The following PLEKHG1 variants were observed in gnomAD, a reference collection of about 807,000 sequenced individuals.
PLEKHG1 encodes the protein pleckstrin homology domain-containing family G member 1.
In PLEKHG1, 44 loss-of-function variants were observed where a neutral mutation model predicts 100.8. That is an observed-to-expected ratio of 0.44 (90% CI 0.34 to 0.56). PLEKHG1 has a LOEUF of 0.56. Ranked by LOEUF, PLEKHG1 falls within the 20% of genes least tolerant of loss-of-function variation. PLEKHG1 has a pLI of 0.01. For missense variants in PLEKHG1, 1,545 were observed against 1,720.9 expected (o/e 0.90, Z 1.81); for synonymous variants, 640 against 662.5 (o/e 0.97, Z 0.52).
intron 2 of PLEKHG1, among the ~76,000 whole-genome samples, chr6:150,745,233 AAC>A (rs1475830939): frequency 2.0e-5 from 3 of 152,228 alleles, no homozygotes; most frequent in African/African-American, 4.8e-5. Flanking sequence ...AGGCAACTAA[AAC>A]ACAATGGCAT....
intron 3 of PLEKHG1, among the ~76,000 whole-genome samples, chr6:150,781,795 GGA>G (rs1785327079): frequency 6.8e-6 from 1 of 147,234 alleles, no homozygotes; most frequent in African/African-American, 2.5e-5. Context: ...TTTTTGAGAT[GGA>G]GTCTCACTGT....
At chr6:150,819,478 T>A (rs1776176915) in intron 11 of PLEKHG1, among the ~76,000 whole-genome samples, 1 of 151,920 alleles carries the variant, frequency 6.6e-6, no homozygotes, top group Admixed American at 6.6e-5. Context: ...GGCAGGAGAA[T>A]CACTTGAACT....
intron 4 of PLEKHG1, among the ~76,000 whole-genome samples, chr6:150,787,367 A>G (rs1785687281): frequency 1.3e-5 from 2 of 152,344 alleles, no homozygotes; most frequent in South Asian, 4.1e-4. Flanking sequence ...TGGAATTCTG[A>G]AACCTACCCT....
At chr6:150,804,185 T>A (rs1316693937) in intron 6 of PLEKHG1, among the ~76,000 whole-genome samples, 25 of 63,016 alleles carry the variant, frequency 4.0e-4, no homozygotes, top group South Asian at 2.7e-3. Context: ...ATTTTTTTTT[T>A]TTTTTTTTTT....
At chr6:150,718,469 C>CTTTT (rs3072740), upstream of PLEKHG1, among the ~76,000 whole-genome samples, 3 of 130,692 alleles carry the variant, frequency 2.3e-5, no homozygotes, top group Non-Finnish European at 1.6e-5. Context: ...CTTCCCTTTA[C>CTTTT]TTTTTTTTTT....
intron 3 of PLEKHG1, among the ~76,000 whole-genome samples, chr6:150,771,914 AG>A (rs1353382291): frequency 2.0e-5 from 3 of 152,236 alleles, no homozygotes; most frequent in African/African-American, 7.2e-5. Flanking sequence ...ATTCTGTCAA[AG>A]AGTCAGGCGT....
intron 4 of PLEKHG1, among the ~76,000 whole-genome samples, chr6:150,788,173 A>T (rs1311143901): frequency 1.3e-5 from 2 of 152,342 alleles, no homozygotes; most frequent in Non-Finnish European, 2.9e-5. Context: ...TTTCATTGTA[A>T]TATTGCCAAG....
At chr6:150,605,896 T>C (rs1349662184) in intron 1 of PLEKHG1, 1 of 152,222 alleles carries the variant, frequency 6.6e-6, no homozygotes, top group East Asian at 1.9e-4. Context: ...CTAGCATCAG[T>C]GAAGTGTGTT....
chr6:150,784,812 T>TAG (rs1312979816), intron 3 of PLEKHG1, among the ~76,000 whole-genome samples: 14 of 152,062 alleles, frequency 9.2e-5, no homozygotes, highest in Non-Finnish European at 1.9e-4. Context: ...CATGATTCTC[T>TAG]AAGAAAGGAA....
chr6:150,770,314 G>C (rs946688200), intron 3 of PLEKHG1, among the ~76,000 whole-genome samples: 2 of 152,150 alleles, frequency 1.3e-5, no homozygotes, highest in Non-Finnish European at 2.9e-5. Context: ...CCAACACCTA[G>C]CACAAGCCTG....
chr6:150,751,256 G>A (rs1174876249), intron 2 of PLEKHG1, among the ~76,000 whole-genome samples: 1 of 138,870 alleles, frequency 7.2e-6, no homozygotes, highest in African/African-American at 2.7e-5. Flanking sequence ...ATAGAGGGCT[G>A]CAATGGTGGA....
intron 5 of PLEKHG1, among the ~76,000 whole-genome samples, chr6:150,798,751 T>C (rs1562527762): frequency 6.6e-6 from 1 of 152,172 alleles, no homozygotes. Flanking sequence ...GAAAGTTGTC[T>C]TTTTTTAGAG....
Position 150,809,805 on chromosome 6 carries a change from G to T in PLEKHG1, c.1278+71G>T, listed in dbSNP as rs1303025217. Reference sequence around the variant, plus strand: ...AATCATTTGAACCTGGGAGGTGGAGGTTACTGTGAGCCGAGATCACATCAT... The same window carrying T: ...AATCATTTGAACCTGGGAGGTGGAGTTTACTGTGAGCCGAGATCACATCAT... On this transcript the variant is annotated intron_variant, in intron 10 of 15. Transcript: ENST00000358517. The T allele has an allele frequency of 6.1e-6, 7 of 1,141,406 alleles. No individual in the cohort carries two copies. In the Admixed American group the frequency reaches 9.5e-5, roughly 16 times the overall value. 70.7% of individuals were successfully genotyped at this position (1,141,406 alleles called of 1,614,324 possible). A position where few individuals can be genotyped will look rare whatever the true frequency, so the allele number is the denominator to read the frequency against.
chr6:150,768,187 A>G (rs1481895711), intron 2 of PLEKHG1, among the ~76,000 whole-genome samples: 2 of 152,242 alleles, frequency 1.3e-5, no homozygotes, highest in African/African-American at 4.8e-5. Flanking sequence ...ATTTGGTTCT[A>G]TAGTTTTAAC....
At chr6:150,604,865 A>G (rs1308488775) in intron 1 of PLEKHG1, among the ~76,000 whole-genome samples, 2 of 152,194 alleles carry the variant, frequency 1.3e-5, no homozygotes, top group Non-Finnish European at 2.9e-5. Context: ...GATAACTCCT[A>G]TGAAATGAGG....
At chr6:150,769,604 GAAAGAA>G (rs1191190150) in intron 3 of PLEKHG1, among the ~76,000 whole-genome samples, 209 of 130,486 alleles carry the variant, frequency 1.6e-3, no homozygotes, top group African/African-American at 6.0e-3. Flanking sequence ...AAAAAAAAAA[GAAAGAA>G]AAAAGAAAAA....
At chr6:150,737,437 G>A (rs901092485) in intron 2 of PLEKHG1, among the ~76,000 whole-genome samples, 11 of 151,460 alleles carry the variant, frequency 7.3e-5, no homozygotes, top group Non-Finnish European at 1.3e-4. Flanking sequence ...GACTATAGGC[G>A]CCCGCCACCG....
chr6:150,750,570 G>A (rs1426611960), intron 2 of PLEKHG1, among the ~76,000 whole-genome samples: 1 of 151,790 alleles, frequency 6.6e-6, no homozygotes, highest in Admixed American at 6.6e-5. Context: ...CACGAGGTCA[G>A]GAGATCGAGA....
At chr6:150,832,274 C>T (rs946831974) in intron 15 of PLEKHG1, 69 bp downstream of exon 16, 3 of 1,294,908 alleles carry the variant, frequency 2.3e-6, no homozygotes, top group Non-Finnish European at 3.2e-6. Context: ...TTTCAGATGT[C>T]CTTAAAACGG....
Sources: gnomAD v4.1 joint callset for allele counts (sites outside exome capture counted in the v4.1 genomes callset) on GRCh38, gnomAD v4.1.1 for gene constraint, MANE v1.5 for transcripts, NCBI Gene and HGNC (gene_info 2026-07-23, HGNC 2026-07-21) for gene names.